COG4: variants seen among roughly 807,000 people sequenced by gnomAD.
COG4 encodes the protein conserved oligomeric Golgi complex subunit 4.
COG4 carries 65 observed loss-of-function variants against 95.1 expected under a neutral mutation model. The observed-to-expected ratio is 0.68, with a 90% CI of 0.56 to 0.84. The LOEUF is 0.84. Ranked by LOEUF, COG4 falls within the 40% of genes least tolerant of loss-of-function variation. The pLI, the probability that COG4 is intolerant of heterozygous loss-of-function variation, is 0.00. For missense variants in COG4, 1,045 were observed against 989.1 expected, an observed-to-expected ratio of 1.06 and a Z score of -0.76; for synonymous variants, 421 against 374.8, an observed-to-expected ratio of 1.12 and a Z score of -1.42.
intron 1 of COG4, chr16:70,523,165 C>T: frequency 1.7e-6 from 1 of 604,782 alleles, no homozygotes; most frequent in Non-Finnish European, 2.9e-6. Flanking sequence ...GCAGATCGCC[C>T]AGGTATCAGG....
At chr16:70,486,222 T>C (rs1216172601) in intron 13 of COG4, among the ~76,000 whole-genome samples, 1 of 152,188 alleles carries the variant, frequency 6.6e-6, no homozygotes, top group Non-Finnish European at 1.5e-5. Context: ...ATCACCACAC[T>C]ACAGCGTAGG....
intron 1 of COG4, chr16:70,523,167 G>C (rs1237696468): frequency 1.6e-6 from 1 of 610,088 alleles, no homozygotes; most frequent in Non-Finnish European, 2.9e-6. Context: ...AGATCGCCCA[G>C]GTATCAGGGA....
intron 9 of COG4, among the ~76,000 whole-genome samples, chr16:70,500,212 C>G (rs1456267983): frequency 6.6e-6 from 1 of 152,004 alleles, no homozygotes; most frequent in Non-Finnish European, 1.5e-5. Flanking sequence ...TCAAGCGATT[C>G]TCCTGCCTCA....
intron 8 of COG4, among the ~76,000 whole-genome samples, chr16:70,502,082 G>C (rs1213871849): frequency 6.6e-6 from 1 of 151,302 alleles, no homozygotes; most frequent in South Asian, 2.1e-4. Context: ...AAGAGATTGA[G>C]ACCATCCCGG....
rs66751123 is a variant in COG4 at position 70,504,609 on chromosome 16, T to TAAAAAAAAAAAA, written c.1062-3530_1062-3519dup. On this transcript the variant is annotated intron_variant, in intron 8 of 18. Coordinates refer to ENST00000323786, the MANE Select transcript of COG4 (RefSeq NM_015386.3). ...GTGACGGAGTGAGTGAGATTCTATT[T>TAAAAAAAAAAAA]AAAAAAAAAAAAAAAAAAAGAGGCC... Among the ~76,000 whole-genome samples, 139 of 121,912 alleles carry TAAAAAAAAAAAA rather than the reference T, an allele frequency of 1.1e-3. 3 individuals are homozygous for TAAAAAAAAAAAA. Among genetic ancestry groups the TAAAAAAAAAAAA allele is most frequent in the African/African-American group, 3.8e-3 (106 of 27,880 alleles). 80.0% of individuals were successfully genotyped at this position (121,912 alleles called of 152,430 possible).
intron 1 of COG4, among the ~76,000 whole-genome samples, chr16:70,522,512 C>T (rs2049970381): frequency 6.6e-6 from 1 of 152,194 alleles, no homozygotes; most frequent in Non-Finnish European, 1.5e-5. Flanking sequence ...GTATCAGAAA[C>T]TGCTAGAGTT....
chr16:70,501,136 T>C lies in COG4; in HGVS notation c.1062-45A>G, dbSNP rs201956492. On this transcript the variant is annotated intron_variant, in intron 8 of 18. Transcript: ENST00000323786. ...AGGAATAGGACGACAATGGATTACC[T>C]TAGACACAAGAGCTACAGGGCAAAG... 1.2e-5 allele frequency: 20 copies of C among 1,604,206 alleles called. No individual in the cohort carries two copies. In the East Asian group the frequency reaches 3.8e-4, roughly 30 times the overall value.
At position 70,523,523 on chromosome 16, in the gene COG4, G is replaced by C; in HGVS notation, c.21C>G (p.Asp7Glu). 1 of 1,613,970 alleles carries C rather than the reference G, an allele frequency of 6.2e-7. No homozygotes were observed. Among genetic ancestry groups the C allele is most frequent in the Non-Finnish European group, 8.5e-7 (1 of 1,180,036 alleles). MGTKMA[D>E]LDSPPKLSGV... ...CTGACAGCTTCGGAGGCGAATCAAG[G>C]TCCGCCATCTTGGTCCCCATTCGGC... Residue 7 changes from aspartate to glutamate, a missense_variant, in exon 1 of 19, where the codon GAC becomes GAG. Coordinates refer to ENST00000323786, the MANE Select transcript of COG4 (RefSeq NM_015386.3).
At chr16:70,515,824 T>G in intron 3 of COG4, 1 of 331,476 alleles carries the variant, frequency 3.0e-6, no homozygotes, top group South Asian at 2.4e-5. Flanking sequence ...TGATATTAGC[T>G]GAGGGTTGTT....
intron 8 of COG4, among the ~76,000 whole-genome samples, chr16:70,502,772 T>C (rs919641289): frequency 2.0e-5 from 3 of 152,188 alleles, no homozygotes; most frequent in Non-Finnish European, 4.4e-5. Context: ...AATCCCACTT[T>C]CTAATTTCAA....
At chr16:70,500,596 G>T (rs916433843) in intron 9 of COG4, among the ~76,000 whole-genome samples, 7 of 151,116 alleles carry the variant, frequency 4.6e-5, no homozygotes, top group Admixed American at 1.3e-4. Flanking sequence ...CCTGACCTCC[G>T]GTAATCCACC....
At chr16:70,512,811 C>G (rs549508610) in intron 4 of COG4, among the ~76,000 whole-genome samples, 15 of 152,296 alleles carry the variant, frequency 9.8e-5, no homozygotes, top group African/African-American at 3.4e-4. Flanking sequence ...AACCCTGCCT[C>G]TACTAAAAAT....
intron 8 of COG4, among the ~76,000 whole-genome samples, chr16:70,505,449 G>A (rs1407069845): frequency 4.0e-5 from 6 of 149,922 alleles, no homozygotes; most frequent in Non-Finnish European, 5.9e-5. Context: ...TGATCCACCC[G>A]CCTTGGGCTC....
chr16:70,510,203 A>G (rs999952952), intron 5 of COG4, among the ~76,000 whole-genome samples, 182 bp from the exon 6 acceptor site: 1 of 152,258 alleles, frequency 6.6e-6, no homozygotes, highest in Non-Finnish European at 1.5e-5. Flanking sequence ...AGGCAGGACA[A>G]GGAAAGTGAG....
At chr16:70,481,633 C>G (rs1485592232) in intron 17 of COG4, 131 bp downstream of exon 17, 45 of 1,386,826 alleles carry the variant, frequency 3.2e-5, no homozygotes, top group Non-Finnish European at 4.5e-5. Context: ...GAAGCCAGAG[C>G]AGGACTGGAC....
chr16:70,509,101 T>C, intron 7 of COG4, 130 bp downstream of exon 7: 1 of 1,143,952 alleles, frequency 8.7e-7, no homozygotes, highest in South Asian at 1.3e-5. Flanking sequence ...TGCAGGCCAG[T>C]GTGCGCTTAG....
intron 8 of COG4, among the ~76,000 whole-genome samples, chr16:70,508,002 C>T (rs1369325986): frequency 6.6e-6 from 1 of 151,914 alleles, no homozygotes; most frequent in Non-Finnish European, 1.5e-5. Context: ...CTCACTGCAA[C>T]CTCCGCCTCC....
intron 2 of COG4, 40 bp from the exon 3 acceptor site, chr16:70,517,780 CAGAGA>C: frequency 7.1e-7 from 1 of 1,406,442 alleles, no homozygotes; most frequent in Non-Finnish European, 1.0e-6. Flanking sequence ...AACGATAGGG[CAGAGA>C]AGAGACAGAA....
intron 10 of COG4, 107 bp from the exon 11 acceptor site, chr16:70,497,494 C>T (rs1308724383): frequency 9.5e-7 from 1 of 1,054,384 alleles, no homozygotes; most frequent in Non-Finnish European, 1.5e-6. Context: ...TGTACCTTGT[C>T]CATGTTTCTC....
Sources: gnomAD v4.1 joint callset for allele counts (sites outside exome capture counted in the v4.1 genomes callset) on GRCh38, gnomAD v4.1.1 for gene constraint, MANE v1.5 for transcripts, NCBI Gene and HGNC (gene_info 2026-07-23, HGNC 2026-07-21) for gene names.